The following KIAA0825 variants were observed in gnomAD, a reference collection of about 807,000 sequenced individuals.
KIAA0825 encodes KIAA0825.
In KIAA0825, 119 loss-of-function variants were observed where a neutral mutation model predicts 147.6. The observed-to-expected ratio is 0.81, with a 90% CI of 0.69 to 0.94. The LOEUF (loss-of-function observed/expected upper bound fraction) is 0.94. Among genes scored for constraint, KIAA0825 ranks in the 40% least tolerant of loss-of-function variants. The probability of loss-of-function intolerance (pLI) is 0.00; values close to 1 mark genes in which losing one functional copy is unlikely to be tolerated. For synonymous variants in KIAA0825, 470 were observed against 518.1 expected (o/e 0.91, Z 1.26); for missense variants, 1,381 against 1,472.7 (o/e 0.94, Z 1.02).
intron 20 of KIAA0825, among the ~76,000 whole-genome samples, chr5:94,292,478 G>A (rs1374447525): frequency 2.0e-5 from 3 of 152,130 alleles, no homozygotes; most frequent in African/African-American, 7.2e-5. Context: ...TGGTGGATAA[G>A]CTTTTTGATG....
intron 20 of KIAA0825, among the ~76,000 whole-genome samples, chr5:94,288,454 A>G (rs1777749230): frequency 6.6e-6 from 1 of 152,200 alleles, no homozygotes; most frequent in Admixed American, 6.5e-5. Context: ...TGACGGGAAC[A>G]GGCTGAACAA....
At chr5:94,226,489 A>G (rs538305538) in intron 20 of KIAA0825, among the ~76,000 whole-genome samples, 2 of 152,298 alleles carry the variant, frequency 1.3e-5, no homozygotes, top group South Asian at 2.1e-4. Context: ...TAGAAATACC[A>G]TTTGACCCAG....
chr5:94,413,881 A>T (rs1753085826), intron 15 of KIAA0825: 1 of 152,228 alleles, frequency 6.6e-6, no homozygotes. Context: ...ACATAGAACA[A>T]AGACAGCCTT....
intron 1 of KIAA0825, among the ~76,000 whole-genome samples, chr5:94,600,335 A>G (rs1029751216): frequency 1.3e-5 from 2 of 152,012 alleles, no homozygotes; most frequent in African/African-American, 4.8e-5. Context: ...AGCATATTAT[A>G]TTCCTTATAT....
chr5:94,361,797 T>C (rs1417967034), intron 20 of KIAA0825, among the ~76,000 whole-genome samples: 1 of 152,204 alleles, frequency 6.6e-6, no homozygotes, highest in Admixed American at 6.5e-5. Flanking sequence ...TAAATTTAAT[T>C]TGAGTCCATC....
intron 20 of KIAA0825, among the ~76,000 whole-genome samples, chr5:94,338,558 A>G (rs1427763333): frequency 6.6e-6 from 1 of 152,162 alleles, no homozygotes; most frequent in Non-Finnish European, 1.5e-5. Flanking sequence ...TTTTTACTGT[A>G]CTTTTTCTAT....
At chr5:94,539,877 C>CTTTGGA (rs1772936178) in intron 2 of KIAA0825, among the ~76,000 whole-genome samples, 1 of 152,104 alleles carries the variant, frequency 6.6e-6, no homozygotes, top group African/African-American at 2.4e-5. Context: ...CTGCTATTCT[C>CTTTGGA]TTTGGATTAA....
chr5:94,378,353 G>A (rs908737446), intron 20 of KIAA0825, among the ~76,000 whole-genome samples: 5 of 152,186 alleles, frequency 3.3e-5, no homozygotes, highest in South Asian at 2.1e-4. Context: ...AGAACAAGCA[G>A]TATTTGGTTT....
intron 20 of KIAA0825, among the ~76,000 whole-genome samples, chr5:94,175,775 G>A (rs772439022): frequency 3.3e-5 from 5 of 152,020 alleles, no homozygotes; most frequent in Non-Finnish European, 5.9e-5. Context: ...AAATATCTAG[G>A]AAGCATTAAA....
chr5:94,416,424 A>AT (rs1753474755), intron 15 of KIAA0825: 1 of 152,194 alleles, frequency 6.6e-6, no homozygotes, highest in African/African-American at 2.4e-5. Flanking sequence ...CCAAAGCAGG[A>AT]TAAAAGAAAG....
At chr5:94,238,059 CTG>C (rs1451595783) in intron 20 of KIAA0825, among the ~76,000 whole-genome samples, 1 of 152,110 alleles carries the variant, frequency 6.6e-6, no homozygotes, top group African/African-American at 2.4e-5. Context: ...AAAAAAAGAA[CTG>C]TAAATTAATT....
intron 20 of KIAA0825, among the ~76,000 whole-genome samples, chr5:94,292,817 A>G (rs1471762233): frequency 6.6e-6 from 1 of 152,156 alleles, no homozygotes; most frequent in East Asian, 1.9e-4. Flanking sequence ...CAGGGATTCA[A>G]CTTTTTCCTG....
chr5:94,254,258 A>G (rs1043893987), intron 20 of KIAA0825, among the ~76,000 whole-genome samples: 10 of 152,186 alleles, frequency 6.6e-5, no homozygotes, highest in African/African-American at 2.4e-4. Context: ...AAACCAAACC[A>G]TATTTTGATA....
rs141878403 is a variant in KIAA0825 at position 94,263,895 on chromosome 5, C to T, written c.3711-109771G>A. On this transcript the variant is annotated intron_variant, in intron 20 of 20. Transcript: ENST00000682413. ...CATAAGAAGAAGCCTCAGTGAATTA[C>T]GAAAGTACAGAATATAGGGATCATT... 1.8e-3 allele frequency among the ~76,000 whole-genome samples: 280 copies of T among 152,200 alleles called. 2 individuals are homozygous for T. The highest frequency in any genetic ancestry group is 6.6e-3 in the African/African-American group (273 of 41,536).
At chr5:94,489,223 G>A (rs1222819916) in intron 5 of KIAA0825, among the ~76,000 whole-genome samples, 2 of 152,136 alleles carry the variant, frequency 1.3e-5, no homozygotes, top group Admixed American at 6.5e-5. Context: ...TTCAGTTCAC[G>A]TAGTCACAGT....
chr5:94,227,068 A>G (rs1333957362), intron 20 of KIAA0825, among the ~76,000 whole-genome samples: 7 of 152,126 alleles, frequency 4.6e-5, no homozygotes, highest in Non-Finnish European at 1.0e-4. Context: ...AAGGACTATA[A>G]ATCATGCTGC....
chr5:94,306,926 G>C (rs1202262659), intron 20 of KIAA0825, among the ~76,000 whole-genome samples: 2 of 151,716 alleles, frequency 1.3e-5, no homozygotes, highest in Admixed American at 1.3e-4. Context: ...ATACCCGAAC[G>C]TCATTACCAG....
chr5:94,269,748 T>C (rs1253434074), intron 20 of KIAA0825, among the ~76,000 whole-genome samples: 2 of 151,744 alleles, frequency 1.3e-5, no homozygotes, highest in African/African-American at 4.8e-5. Flanking sequence ...TGATGCATCG[T>C]AAAGAGCTAG....
chr5:94,434,822 T>C (rs1332103289), intron 14 of KIAA0825, among the ~76,000 whole-genome samples: 1 of 152,206 alleles, frequency 6.6e-6, no homozygotes, highest in Non-Finnish European at 1.5e-5. Context: ...TATTAATTCA[T>C]TCATGAAGGC....
Sources: gnomAD v4.1 joint callset for allele counts (sites outside exome capture counted in the v4.1 genomes callset) on GRCh38, gnomAD v4.1.1 for gene constraint, MANE v1.5 for transcripts, NCBI Gene and HGNC (gene_info 2026-07-23, HGNC 2026-07-21) for gene names.